Variants in FAM240B observed in about 807,000 individuals in gnomAD.
FAM240B encodes the protein protein FAM240B.
At chr9:38,701,004 G>T (rs1327291838) in intron 2 of FAM240B, among the ~76,000 whole-genome samples, 1 of 152,208 alleles carries the variant, frequency 6.6e-6, no homozygotes, top group Middle Eastern at 3.2e-3. Context: ...TACTGGATTT[G>T]TTCTCCTGTC....
intron 1 of FAM240B, among the ~76,000 whole-genome samples, chr9:38,706,879 T>C (rs1328997905): frequency 6.6e-6 from 1 of 152,234 alleles, no homozygotes; most frequent in Non-Finnish European, 1.5e-5. Context: ...ACATCTGATT[T>C]TACATTTTCA....
chr9:38,702,877 C>G (rs561920208), intron 2 of FAM240B, among the ~76,000 whole-genome samples: 1 of 152,122 alleles, frequency 6.6e-6, no homozygotes, highest in African/African-American at 2.4e-5. Context: ...GAAAGGGTAG[C>G]GAACAGATTG....
chr9:38,709,812 T>G (rs1821231276), intron 1 of FAM240B, among the ~76,000 whole-genome samples: 2 of 152,238 alleles, frequency 1.3e-5, no homozygotes, highest in African/African-American at 4.8e-5. Context: ...CAAACTCAGG[T>G]GTCTCCATTC....
At chr9:38,698,763 CT>C (rs1166908160) in intron 2 of FAM240B, among the ~76,000 whole-genome samples, 6 of 152,196 alleles carry the variant, frequency 3.9e-5, no homozygotes, top group Non-Finnish European at 4.4e-5. Context: ...TATTAATTCA[CT>C]TTTCACAGCA....
rs1291174502 is a variant in FAM240B, at chr9:38,694,501, T to C, written c.*275A>G. 3.2e-6 allele frequency: 1 copy of C among 317,374 alleles called. No individual in the cohort carries two copies. The highest frequency in any genetic ancestry group is 2.1e-5 in the African/African-American group (1 of 46,996). 19.7% of individuals were successfully genotyped at this position (317,374 alleles called of 1,614,324 possible). On this transcript the variant is annotated 3_prime_UTR_variant, in exon 3 of 3. Transcript: ENST00000637493. ...AAATATACTAGGCTACATGGGTCTG[T>C]GAGACCTGGAGAGTGCTAATTCCAA...
intron 1 of FAM240B, among the ~76,000 whole-genome samples, chr9:38,713,633 T>G (rs535292852): frequency 6.6e-6 from 1 of 152,182 alleles, no homozygotes; most frequent in Admixed American, 6.5e-5. Context: ...GTTCCCAAAG[T>G]TGATGAGTGT....
intron 1 of FAM240B, among the ~76,000 whole-genome samples, chr9:38,717,625 C>A (rs973532849): frequency 1.3e-5 from 2 of 151,982 alleles, no homozygotes; most frequent in African/African-American, 2.4e-5. Context: ...GGACTACAGG[C>A]GCCCGCCGCC....
At chr9:38,699,957 G>GA (rs1821107027) in intron 2 of FAM240B, among the ~76,000 whole-genome samples, 2 of 152,196 alleles carry the variant, frequency 1.3e-5, no homozygotes, top group Non-Finnish European at 2.9e-5. Context: ...TCGTAGGCAG[G>GA]AAGCATGCCT....
chr9:38,719,529 A>G (rs1186245703), intron 1 of FAM240B, among the ~76,000 whole-genome samples: 1 of 152,176 alleles, frequency 6.6e-6, no homozygotes, highest in Non-Finnish European at 1.5e-5. Context: ...AACTGTATCA[A>G]CTCAGACGAA....
chr9:38,694,932 A>C (rs1216190549), intron 2 of FAM240B, 63 bp from the exon 3 acceptor site: 15 of 398,294 alleles, frequency 3.8e-5, no homozygotes, highest in Non-Finnish European at 6.6e-5. Flanking sequence ...GGTCGACTGA[A>C]CCGTGGCTTT....
intron 1 of FAM240B, among the ~76,000 whole-genome samples, chr9:38,713,194 T>C (rs1353335047): frequency 6.6e-6 from 1 of 151,972 alleles, no homozygotes; most frequent in Non-Finnish European, 1.5e-5. Flanking sequence ...AGAATTAGAT[T>C]TCGGCCGGGC....
intron 1 of FAM240B, among the ~76,000 whole-genome samples, chr9:38,704,783 T>A (rs989486520): frequency 2.8e-4 from 42 of 152,158 alleles, no homozygotes; most frequent in Admixed American, 1.3e-4. Flanking sequence ...CATCTGATGC[T>A]CACTACAGCT....
chr9:38,698,623 T>A (rs1225701401), intron 2 of FAM240B, among the ~76,000 whole-genome samples: 2 of 152,184 alleles, frequency 1.3e-5, no homozygotes. Flanking sequence ...CATTCACAGG[T>A]GCTTCCTCCA....
intron 2 of FAM240B, among the ~76,000 whole-genome samples, chr9:38,698,638 A>G (rs10973978): frequency 0.023 from 3,542 of 152,290 alleles, 127 homozygotes; most frequent in African/African-American, 0.079. Context: ...CCTCCAAAAA[A>G]TCTCATACAC....
chr9:38,709,144 C>T (rs1369952453), intron 1 of FAM240B, among the ~76,000 whole-genome samples: 1 of 152,088 alleles, frequency 6.6e-6, no homozygotes, highest in Non-Finnish European at 1.5e-5. Context: ...GACTCTTGGC[C>T]TCAACCCCTC....
intron 1 of FAM240B, among the ~76,000 whole-genome samples, chr9:38,718,244 T>G (rs1821331270): frequency 6.6e-6 from 1 of 152,356 alleles, no homozygotes; most frequent in Non-Finnish European, 1.5e-5. Flanking sequence ...TAAATCATGT[T>G]TTGTTCACAT....
chr9:38,705,660 T>C (rs1331427562), intron 1 of FAM240B: 1 of 151,646 alleles, frequency 6.6e-6, no homozygotes, highest in Non-Finnish European at 1.5e-5. Context: ...TATGGAATAA[T>C]TTGTATTTTA....
intron 2 of FAM240B, among the ~76,000 whole-genome samples, chr9:38,697,386 C>G (rs564225052): frequency 1.5e-4 from 23 of 152,304 alleles, no homozygotes; most frequent in African/African-American, 5.3e-4. Flanking sequence ...CACTGACTCC[C>G]CATTACTCTG....
intron 1 of FAM240B, among the ~76,000 whole-genome samples, chr9:38,709,776 T>C (rs1327046811): frequency 6.6e-6 from 1 of 152,184 alleles, no homozygotes; most frequent in Non-Finnish European, 1.5e-5. Flanking sequence ...AAGATTAAGC[T>C]CCTATTTTTT....
Sources: allele counts gnomAD v4.1 joint callset (sites outside exome capture counted in the v4.1 genomes callset), GRCh38; gene constraint gnomAD v4.1.1; transcripts MANE v1.5; gene names NCBI Gene and HGNC (gene_info 2026-07-23, HGNC 2026-07-21).